The following CCDC60 variants were observed in gnomAD, a reference collection of about 807,000 sequenced individuals.
The protein encoded by CCDC60 is coiled-coil domain containing 60.
A neutral mutation model predicts 63.5 loss-of-function variants in CCDC60; 54 were observed. That is an observed-to-expected ratio of 0.85 (90% CI 0.68 to 1.07). CCDC60 has a LOEUF of 1.07. CCDC60 is among the 50% of genes least tolerant of loss of function. The probability of loss-of-function intolerance (pLI) is 0.00; values close to 1 mark genes in which losing one functional copy is unlikely to be tolerated. For synonymous variants in CCDC60, 206 were observed against 238.8 expected, an observed-to-expected ratio of 0.86 and a Z score of 1.27; for missense variants, 651 against 684.3, an observed-to-expected ratio of 0.95 and a Z score of 0.54.
chr12:119,413,130 C>G (rs1956635973), intron 1 of CCDC60, among the ~76,000 whole-genome samples: 1 of 152,182 alleles, frequency 6.6e-6, no homozygotes, highest in African/African-American at 2.4e-5. Flanking sequence ...AGCTGGACTG[C>G]TGGCCCCTCA....
intron 3 of CCDC60, among the ~76,000 whole-genome samples, 181 bp downstream of exon 3, chr12:119,472,345 G>A (rs968347846): frequency 3.9e-5 from 6 of 152,014 alleles, no homozygotes; most frequent in African/African-American, 1.4e-4. Flanking sequence ...TCTGGTATTC[G>A]CTGGAACATC....
intron 3 of CCDC60, among the ~76,000 whole-genome samples, chr12:119,474,484 T>C (rs1001317688): frequency 3.9e-5 from 6 of 152,326 alleles, no homozygotes; most frequent in African/African-American, 1.2e-4. Flanking sequence ...CTTTCACTTA[T>C]AGTGCATTTG....
At chr12:119,513,146 G>GT (rs1195925419) in intron 7 of CCDC60, among the ~76,000 whole-genome samples, 8 of 152,252 alleles carry the variant, frequency 5.3e-5, no homozygotes, top group African/African-American at 1.9e-4. Context: ...CAGATTCCAC[G>GT]TTAGGGAGTG....
At position 119,524,716 on chromosome 12, in the gene CCDC60, C is replaced by CTTTTTTTTTTTTT. The variant is rs1416953138; in HGVS notation, c.1229+902_1229+903insTTTTTTTTTTTTT. On this transcript the variant is annotated intron_variant, in intron 11 of 13. Transcript: ENST00000327554. ...AGGAAACAGCAGTTTCTTTTCTTTT[C>CTTTTTTTTTTTTT]TTTTCTTTTTTTTTTTTTTTTTTTG... Among the ~76,000 whole-genome samples the CTTTTTTTTTTTTT allele has an allele frequency of 1.4e-3, 129 of 90,512 alleles. 2 individuals are homozygous for CTTTTTTTTTTTTT. Among genetic ancestry groups the CTTTTTTTTTTTTT allele is most frequent in the African/African-American group, 3.5e-3 (66 of 18,814 alleles). The allele number at this position is 90,512 out of a possible 152,430, so 59.4% of individuals were successfully genotyped here.
chr12:119,348,987 T>G (rs1222602415), intron 1 of CCDC60, among the ~76,000 whole-genome samples: 1 of 152,202 alleles, frequency 6.6e-6, no homozygotes, highest in Admixed American at 6.5e-5. Context: ...TGCAAACCCC[T>G]TATGTGAGTT....
At chr12:119,525,904 G>GA (rs894307287) in intron 11 of CCDC60, among the ~76,000 whole-genome samples, 2 of 151,922 alleles carry the variant, frequency 1.3e-5, no homozygotes, top group African/African-American at 4.8e-5. Flanking sequence ...CACAGAACTA[G>GA]AAAAAAATAT....
chr12:119,341,839 T>A (rs957638909), intron 1 of CCDC60, among the ~76,000 whole-genome samples: 2 of 152,164 alleles, frequency 1.3e-5, no homozygotes, highest in Non-Finnish European at 2.9e-5. Context: ...GAGAATATAT[T>A]TGCATGAGAG....
chr12:119,384,482 A>G (rs1206990979), intron 1 of CCDC60, among the ~76,000 whole-genome samples: 1 of 152,178 alleles, frequency 6.6e-6, no homozygotes, highest in East Asian at 1.9e-4. Flanking sequence ...GAAGAAATTA[A>G]TACTTGGAGT....
At chr12:119,489,493 A>C (rs1486358908) in intron 5 of CCDC60, among the ~76,000 whole-genome samples, 3 of 152,172 alleles carry the variant, frequency 2.0e-5, no homozygotes, top group African/African-American at 7.2e-5. Flanking sequence ...GAGAAGCGTT[A>C]GGTGTCCGCA....
At position 119,523,730 on chromosome 12, in the gene CCDC60, G is replaced by C. The variant is rs190737724; in HGVS notation, c.1141G>C (p.Gly381Arg). ...NCDINIHYKS[G>R]VCNTMRAKFY... ...TGACATCAACATCCACTACAAGAGT[G>C]GGGTGTGTAACACCATGAGGGCCAA... is the stretch of plus-strand genomic sequence containing the variant. The change falls in exon 11 of 14, where the codon GGG (glycine) becomes CGG (arginine). Residue 381 changes from glycine (G) to arginine (R), a missense_variant. Coordinates refer to ENST00000327554, the MANE Select transcript of CCDC60 (RefSeq NM_178499.5). 3.7e-6 allele frequency: 6 copies of C among 1,614,044 alleles called. No homozygotes were observed. The South Asian group carries it at 6.6e-5, about 18-fold the overall frequency.
At chr12:119,432,215 A>C (rs1950240881) in intron 2 of CCDC60, among the ~76,000 whole-genome samples, 3 of 152,184 alleles carry the variant, frequency 2.0e-5, no homozygotes. Context: ...GGTGACATGT[A>C]GGATCAAGAA....
intron 8 of CCDC60, among the ~76,000 whole-genome samples, chr12:119,519,689 C>G (rs879711851): frequency 6.6e-6 from 1 of 152,024 alleles, no homozygotes; most frequent in South Asian, 2.1e-4. Context: ...TCTGGAACTC[C>G]TGACCTCAAG....
chr12:119,416,484 T>C (rs1395667547), intron 1 of CCDC60, among the ~76,000 whole-genome samples: 1 of 152,126 alleles, frequency 6.6e-6, no homozygotes, highest in African/African-American at 2.4e-5. Context: ...ACATTCAAAA[T>C]GGCCATCAAG....
At position 119,520,434 on chromosome 12, in the gene CCDC60, G is replaced by A. The variant is rs145448509; in HGVS notation, c.1040+242G>A. ...AATCTTCTAGTCATGGAGAAGTGAG[G>A]TGGGGAGGACGCGGTACAAGACTAT... On this transcript the variant is annotated intron_variant, in intron 9 of 13. Coordinates refer to ENST00000327554, the MANE Select transcript of CCDC60 (RefSeq NM_178499.5). Among the ~76,000 whole-genome samples, 279 of 152,288 alleles carry A rather than the reference G, an allele frequency of 1.8e-3. 1 individual carries two copies. In the Middle Eastern group the frequency reaches 0.024, roughly 13 times the overall value.
At chr12:119,482,705 C>A (rs1485175157) in intron 4 of CCDC60, among the ~76,000 whole-genome samples, 1 of 152,116 alleles carries the variant, frequency 6.6e-6, no homozygotes, top group Non-Finnish European at 1.5e-5. Context: ...TGGCTTAAAA[C>A]AACGATTTAG....
At chr12:119,390,078 G>A (rs1322429604) in intron 1 of CCDC60, among the ~76,000 whole-genome samples, 2 of 152,174 alleles carry the variant, frequency 1.3e-5, no homozygotes, top group Non-Finnish European at 2.9e-5. Flanking sequence ...AAGGGAGGAA[G>A]GGCTCCTAAC....
chr12:119,482,734 A>G (rs938838983), intron 4 of CCDC60, among the ~76,000 whole-genome samples: 1 of 152,052 alleles, frequency 6.6e-6, no homozygotes, highest in Non-Finnish European at 1.5e-5. Context: ...CTAAGTCTAC[A>G]TGTCAGCAGG....
chr12:119,453,150 T>C (rs1950665191), intron 2 of CCDC60, among the ~76,000 whole-genome samples: 1 of 152,196 alleles, frequency 6.6e-6, no homozygotes, highest in African/African-American at 2.4e-5. Flanking sequence ...TTAACTGACA[T>C]TAATGTATAT....
In CCDC60 at chr12:119,419,344, CATG is replaced by C. The variant is rs1044979561; in HGVS notation, c.91-9336_91-9334del. On this transcript the variant is annotated intron_variant, in intron 1 of 13. Coordinates refer to ENST00000327554, the MANE Select transcript of CCDC60 (RefSeq NM_178499.5). ...CTTTTTATTTTTCTGATTGCTTTCT[CATG>C]ATTAGATTCAGATTGGACCTCTGGG... Among the ~76,000 whole-genome samples the C allele has an allele frequency of 1.9e-4, 29 of 152,190 alleles. 1 individual carries two copies.
Sources: allele counts gnomAD v4.1 joint callset (sites outside exome capture counted in the v4.1 genomes callset), GRCh38; gene constraint gnomAD v4.1.1; transcripts MANE v1.5; gene names NCBI Gene and HGNC (gene_info 2026-07-23, HGNC 2026-07-21).